CBLIF: variants seen among roughly 807,000 people sequenced by gnomAD.
CBLIF encodes gastric intrinsic factor (vitamin B synthesis).
A neutral mutation model predicts 44.9 loss-of-function variants in CBLIF; 24 were observed. The observed-to-expected ratio is 0.53, with a 90% CI of 0.39 to 0.75. CBLIF has a LOEUF of 0.75. Among genes scored for constraint, CBLIF ranks in the 30% least tolerant of loss-of-function variants. CBLIF has a pLI of 0.00. For missense variants in CBLIF, 481 were observed against 513.0 expected, an observed-to-expected ratio of 0.94 and a Z score of 0.60; for synonymous variants, 183 against 190.9, an observed-to-expected ratio of 0.96 and a Z score of 0.34.
chr11:59,841,393 T>C lies in CBLIF; in HGVS notation c.512-69A>G, dbSNP rs1021778584. ...AGCAATATGAACAGCTAACATTTAT[T>C]GTGTGCTTATTATATTCTGGCTCCA... On this transcript the variant is annotated intron_variant, in intron 4 of 8. Coordinates refer to ENST00000257248, the MANE Select transcript of CBLIF (RefSeq NM_005142.3). The C allele has an allele frequency of 5.7e-6, 6 of 1,058,104 alleles. No individual in the cohort carries two copies. The African/African-American group carries it at 9.3e-5, about 16-fold the overall frequency. 65.5% of individuals were successfully genotyped at this position (1,058,104 alleles called of 1,614,324 possible). A position where few individuals can be genotyped will look rare whatever the true frequency, so the allele number is the denominator to read the frequency against.
At chr11:59,835,538 A>T (rs981714738) in intron 7 of CBLIF, among the ~76,000 whole-genome samples, 3 of 152,174 alleles carry the variant, frequency 2.0e-5, no homozygotes, top group Non-Finnish European at 4.4e-5. Context: ...TTTGTGTTTC[A>T]AAGCTACAAA....
chr11:59,845,025 T>C (rs1236018785), intron 1 of CBLIF, among the ~76,000 whole-genome samples: 1 of 152,048 alleles, frequency 6.6e-6, no homozygotes, highest in African/African-American at 2.4e-5. Context: ...TTTTTTATTT[T>C]TATTTATTTA....
intron 8 of CBLIF, among the ~76,000 whole-genome samples, chr11:59,830,640 CTAA>C (rs1037793624): frequency 6.6e-6 from 1 of 151,976 alleles, no homozygotes. Flanking sequence ...GATGGGAAAA[CTAA>C]TAATAATAAT....
intron 8 of CBLIF, among the ~76,000 whole-genome samples, chr11:59,831,262 T>C (rs114858680): frequency 6.6e-6 from 1 of 152,176 alleles, no homozygotes. Context: ...TCTCTGGAGA[T>C]TTTTTTAAGA....
intron 1 of CBLIF, 139 bp from the exon 2 acceptor site, chr11:59,844,194 A>G (rs768700662): frequency 5.7e-5 from 41 of 725,128 alleles, no homozygotes; most frequent in Non-Finnish European, 8.8e-5. Flanking sequence ...CTAGAGTGCA[A>G]TGGCACGATC....
intron 8 of CBLIF, among the ~76,000 whole-genome samples, chr11:59,830,501 T>G (rs2135081363): frequency 6.6e-6 from 1 of 152,222 alleles, no homozygotes; most frequent in South Asian, 2.1e-4. Context: ...CCTCCCAAAG[T>G]GAATTACTTT....
At chr11:59,837,492 G>A (rs915709272) in intron 5 of CBLIF, 141 bp from the exon 6 acceptor site, 4 of 728,672 alleles carry the variant, frequency 5.5e-6, no homozygotes, top group Non-Finnish European at 9.9e-6. Flanking sequence ...TGCTATGTAA[G>A]GTTTGGAAAA....
intron 7 of CBLIF, among the ~76,000 whole-genome samples, chr11:59,832,646 G>T (rs1866388524): frequency 6.6e-6 from 1 of 151,764 alleles, no homozygotes. Flanking sequence ...AAATTAGCCA[G>T]TCTCATAACC....
Position 59,843,912 on chromosome 11 carries a change from G to A in CBLIF, c.223C>T (p.Leu75=). 2 of 1,613,882 alleles carry A rather than the reference G, an allele frequency of 1.2e-6. No homozygotes were observed. The highest frequency in any genetic ancestry group is 1.7e-6 in the Non-Finnish European group (2 of 1,179,824). The change falls in exon 2 of 9, where the codon CTG becomes TTG. Residue 75 remains leucine (L), a synonymous_variant. Coordinates refer to ENST00000257248, the MANE Select transcript of CBLIF (RefSeq NM_005142.3). The part of the protein sequence containing the change: ...GAYNLKAQKL[L]TYQLMSSDNN... ...TCGCTGGACATGAGCTGGTAAGTCAGGAGCTTCTGGGCCTTCAAGTTGTAG... is the reference window on the plus strand; with the variant it reads ...TCGCTGGACATGAGCTGGTAAGTCAAGAGCTTCTGGGCCTTCAAGTTGTAG...
In CBLIF at chr11:59,835,966, G is replaced by T. The variant is rs774016775; in HGVS notation, c.915C>A (p.Gly305=). The change falls in exon 7 of 9, where the codon GGC becomes GGA. Residue 305 remains glycine, a synonymous_variant. Coordinates refer to ENST00000257248, the MANE Select transcript of CBLIF (RefSeq NM_005142.3). ...QPTLPSNPGP[G]PTSASNITVI... ...CAGTGATGTTAGATGCAGAGGTGGG[G>T]CCAGGGCCAGGGTTGCTGGGTAGAG... is the stretch of plus-strand genomic sequence containing the variant. 3 of 1,614,098 alleles carry T rather than the reference G, an allele frequency of 1.9e-6. No individual in the cohort carries two copies. The South Asian group carries it at 3.3e-5, about 18-fold the overall frequency.
chr11:59,835,265 C>G (rs1034434818), intron 7 of CBLIF, among the ~76,000 whole-genome samples: 2 of 152,018 alleles, frequency 1.3e-5, no homozygotes, highest in African/African-American at 4.8e-5. Flanking sequence ...CCTGCCTCAG[C>G]CTCCCGAGTA....
At chr11:59,836,256 G>A (rs1433674422) in intron 6 of CBLIF, among the ~76,000 whole-genome samples, 1 of 152,176 alleles carries the variant, frequency 6.6e-6, no homozygotes, top group Admixed American at 6.6e-5. Flanking sequence ...TTTTTGGTAG[G>A]ATTGGGATCA....
At chr11:59,834,956 G>T (rs751720416) in intron 7 of CBLIF, among the ~76,000 whole-genome samples, 1 of 151,856 alleles carries the variant, frequency 6.6e-6, no homozygotes, top group Non-Finnish European at 1.5e-5. Flanking sequence ...CTATTCTCAC[G>T]ACCTAAGCAA....
At chr11:59,841,364 T>A in intron 4 of CBLIF, 40 bp from the exon 5 acceptor site, 1 of 1,373,564 alleles carries the variant, frequency 7.3e-7, no homozygotes, top group Non-Finnish European at 1.0e-6. Context: ...ATAGTCACCA[T>A]CACAGCAATA....
chr11:59,834,226 CTTT>C (rs1866411643), intron 7 of CBLIF, among the ~76,000 whole-genome samples: 1 of 148,728 alleles, frequency 6.7e-6, no homozygotes, highest in East Asian at 1.9e-4. Context: ...CTTTCTGTTT[CTTT>C]CTTTCTTTCT....
intron 8 of CBLIF, among the ~76,000 whole-genome samples, chr11:59,831,197 T>A (rs555897564): frequency 1.3e-5 from 2 of 152,198 alleles, no homozygotes; most frequent in African/African-American, 4.8e-5. Context: ...CTTCCCACTT[T>A]CTCCTAATTT....
intron 1 of CBLIF, 140 bp from the exon 2 acceptor site, chr11:59,844,195 T>C (rs1866578084): frequency 1.4e-6 from 1 of 721,260 alleles, no homozygotes; most frequent in South Asian, 1.5e-5. Flanking sequence ...TAGAGTGCAA[T>C]GGCACGATCT....
At chr11:59,843,830 A>C (rs1377553018) in intron 2 of CBLIF, 49 bp downstream of exon 2, 4 of 1,377,098 alleles carry the variant, frequency 2.9e-6, no homozygotes, top group Non-Finnish European at 4.1e-6. Context: ...TGGAGGTGGT[A>C]TGTGATGTGT....
intron 2 of CBLIF, 27 bp from the exon 3 acceptor site, chr11:59,843,168 GAC>G: frequency 7.3e-7 from 1 of 1,372,688 alleles, no homozygotes; most frequent in Non-Finnish European, 1.0e-6. Context: ...ACAACGGTTA[GAC>G]AGAGACATCC....
Sources: allele counts gnomAD v4.1 joint callset (sites outside exome capture counted in the v4.1 genomes callset), GRCh38; gene constraint gnomAD v4.1.1; transcripts MANE v1.5; gene names NCBI Gene and HGNC (gene_info 2026-07-23, HGNC 2026-07-21).